The following SRA1 variants were observed in gnomAD, a reference collection of about 807,000 sequenced individuals.
The protein encoded by SRA1 is lncRNA SRA.
A neutral mutation model predicts 24.3 loss-of-function variants in SRA1; 25 were observed. That is an observed-to-expected ratio of 1.03 (90% CI 0.75 to 1.43). SRA1 has a LOEUF of 1.43. Among genes scored for constraint, SRA1 ranks in the 40% most tolerant of loss-of-function variants. SRA1 has a pLI of 0.00. For synonymous variants in SRA1, 104 were observed against 109.5 expected (o/e 0.95, Z 0.31); for missense variants, 303 against 286.6 (o/e 1.06, Z -0.41).
At position 140,550,833 on chromosome 5, in the gene SRA1, T is replaced by C. The variant is rs1561856747; in HGVS notation, c.542A>G (p.Gln181Arg). 2.5e-6 allele frequency: 4 copies of C among 1,614,174 alleles called. No homozygotes were observed. The highest frequency in any genetic ancestry group is 2.5e-6 in the Non-Finnish European group (3 of 1,180,006). ...TAATCTTTTAACTCCTACCATCCAC[T>C]GACTGACCTCAGTCACATGGTCAAC... ...LMVDHVTEVS[Q>R]WMVGVKRLIA... is the part of the protein sequence containing the mutation. Residue 181 changes from glutamine (Q) to arginine (R), a missense_variant, in exon 5 of 5, where the codon CAG becomes CGG. Gln to Arg is a conservative substitution (Grantham distance 43). Transcript: ENST00000336283.
At chr5:140,557,630 G>A (rs139343574), upstream of SRA1, 3 of 690,716 alleles carry the variant, frequency 4.3e-6, no homozygotes, top group Admixed American at 6.0e-5. Flanking sequence ...AGACTCGAAG[G>A]CTCCATCTAA....
intron 2 of SRA1, among the ~76,000 whole-genome samples, chr5:140,553,323 A>G (rs1193149850): frequency 6.6e-6 from 1 of 151,790 alleles, no homozygotes; most frequent in Non-Finnish European, 1.5e-5. Flanking sequence ...AAAAAAAAAA[A>G]GACAGCTGCT....
chr5:140,554,295 T>C (rs962897308), intron 2 of SRA1, among the ~76,000 whole-genome samples: 11 of 152,206 alleles, frequency 7.2e-5, no homozygotes, highest in Admixed American at 1.3e-4. Flanking sequence ...GGCCACAGAT[T>C]TTAAAAGGTA....
At chr5:140,551,004 G>C in intron 4 of SRA1, 57 bp downstream of exon 4, 1 of 1,579,690 alleles carries the variant, frequency 6.3e-7, no homozygotes, top group Non-Finnish European at 8.7e-7. Context: ...ACCTGCTCCA[G>C]CATAGCCAAC....
intron 3 of SRA1, 70 bp from the exon 4 acceptor site, chr5:140,551,239 A>G (rs1754552679): frequency 8.2e-7 from 1 of 1,221,136 alleles, no homozygotes; most frequent in African/African-American, 1.5e-5. Context: ...GGAAGACAGC[A>G]CCACATAGGA....
Position 140,550,761 on chromosome 5 carries a change from T to C in SRA1, c.614A>G (p.Glu205Gly). 6.2e-7 allele frequency: 1 copy of C among 1,614,200 alleles called. No individual in the cohort carries two copies. The highest frequency in any genetic ancestry group is 1.7e-5 in the Admixed American group (1 of 60,026). Residue 205 changes from glutamate to glycine, a missense_variant, in exon 5 of 5, where the codon GAG becomes GGG. Physicochemically the swap from Glu to Gly is moderately conservative, Grantham distance 98. Coordinates refer to ENST00000336283, the MANE Select transcript of SRA1 (RefSeq NM_001035235.4). ...CTTCTCAGCTGTGGCTGCAGATTTC[T>C]CTTCATTGGCTGCCTCCTCTGAAAA... ...SLFSEEAANE[E>G]KSAATAEKNH...
At chr5:140,554,889 T>A (rs1156838656) in intron 2 of SRA1, among the ~76,000 whole-genome samples, 1 of 152,104 alleles carries the variant, frequency 6.6e-6, no homozygotes. Flanking sequence ...TGGTTCCTTG[T>A]CGCTCTTTTT....
chr5:140,552,966 C>G (rs1463093914), intron 2 of SRA1, among the ~76,000 whole-genome samples: 1 of 152,180 alleles, frequency 6.6e-6, no homozygotes, highest in East Asian at 1.9e-4. Flanking sequence ...TACATGCTAC[C>G]AAGAAATAAA....
intron 2 of SRA1, among the ~76,000 whole-genome samples, chr5:140,555,178 T>G (rs941819526): frequency 6.6e-6 from 1 of 151,872 alleles, no homozygotes; most frequent in Non-Finnish European, 1.5e-5. Flanking sequence ...GCCTGGCCCC[T>G]TGTCTCTATC....
chr5:140,554,590 G>T lies in SRA1; in HGVS notation c.152-2406C>A, dbSNP rs201780597. The stretch of plus-strand genomic sequence containing the variant: ...CTTGTCTTCTCTAGACTTCCCTACT[G>T]TAACTATCTTCTCTTGCATCATCAG... On this transcript the variant is annotated intron_variant, in intron 2 of 4. Coordinates refer to ENST00000336283, the MANE Select transcript of SRA1 (RefSeq NM_001035235.4). Among the ~76,000 whole-genome samples the T allele has an allele frequency of 3.2e-3, 479 of 152,012 alleles. 1 individual carries two copies. Among genetic ancestry groups the T allele is most frequent in the African/African-American group, 0.011 (456 of 41,476 alleles).
In SRA1 at chr5:140,557,246, G is replaced by A. The variant is rs777538545; in HGVS notation, c.52C>T (p.Pro18Ser). Reference sequence around the variant, plus strand: ...TGCAGCCCGTATGAGAACTGCGGCGGGTCGTTCCAGCCGCGTTCCTTGTTG... The same window carrying A: ...TGCAGCCCGTATGAGAACTGCGGCGAGTCGTTCCAGCCGCGTTCCTTGTTG... ...PGNKERGWNDPPQFSYGLQTQ... is the reference protein window; with the variant it reads ...PGNKERGWNDSPQFSYGLQTQ... Residue 18 changes from proline to serine, a missense_variant, in exon 2 of 5, where the codon CCG (proline) becomes TCG (serine). Coordinates refer to ENST00000336283, the MANE Select transcript of SRA1 (RefSeq NM_001035235.4). 2 of 1,612,588 alleles carry A rather than the reference G, an allele frequency of 1.2e-6. No individual in the cohort carries two copies. The highest frequency in any genetic ancestry group is 8.5e-7 in the Non-Finnish European group (1 of 1,179,984).
rs866083442 is a variant in SRA1, at chr5:140,550,642, T to C, written c.*58A>G. The C allele has an allele frequency of 1.3e-6, 2 of 1,547,590 alleles. No individual in the cohort carries two copies. Among genetic ancestry groups the C allele is most frequent in the Middle Eastern group, 3.5e-4 (2 of 5,772 alleles). On this transcript the variant is annotated 3_prime_UTR_variant, in exon 5 of 5. Coordinates refer to ENST00000336283, the MANE Select transcript of SRA1 (RefSeq NM_001035235.4). ...TGGTGGTGGTAAGAAGGGAGCCAAGTGACAGAAGGTCTCCAAGGCATAGGA... is the reference window on the plus strand; with the variant it reads ...TGGTGGTGGTAAGAAGGGAGCCAAGCGACAGAAGGTCTCCAAGGCATAGGA...
At chr5:140,554,206 T>G (rs1581398475) in intron 2 of SRA1, among the ~76,000 whole-genome samples, 1 of 152,154 alleles carries the variant, frequency 6.6e-6, no homozygotes, top group African/African-American at 2.4e-5. Context: ...TCTCCTCCCA[T>G]TGTCCCACTT....
chr5:140,553,670 CTTA>C (rs897064913), intron 2 of SRA1, among the ~76,000 whole-genome samples: 3 of 152,156 alleles, frequency 2.0e-5, no homozygotes, highest in Non-Finnish European at 4.4e-5. Flanking sequence ...TGTGACCAGA[CTTA>C]TTTTTAAACA....
Position 140,552,075 on chromosome 5 carries a change from C to A in SRA1, c.261G>T (p.Glu87Asp). 6.2e-7 allele frequency: 1 copy of A among 1,614,052 alleles called. No individual in the cohort carries two copies. Among genetic ancestry groups the A allele is most frequent in the Non-Finnish European group, 8.5e-7 (1 of 1,179,972 alleles). The change falls in exon 3 of 5, where the codon GAG (glutamate) becomes GAT (aspartate). Residue 87 changes from glutamate to aspartate, a missense_variant. Coordinates refer to ENST00000336283, the MANE Select transcript of SRA1 (RefSeq NM_001035235.4). Reference sequence around the variant, plus strand: ...CAGACTCGACTGGGAAACTTGTGGGCTCCACGCCAGAGGCAGGACCACTCC... The same window carrying A: ...CAGACTCGACTGGGAAACTTGTGGGATCCACGCCAGAGGCAGGACCACTCC... The part of the protein sequence containing the change: ...PVGSGPASGV[E>D]PTSFPVESEA...
At chr5:140,557,996 C>T (rs1352664686), upstream of SRA1, 3 of 172,222 alleles carry the variant, frequency 1.7e-5, no homozygotes, top group African/African-American at 7.2e-5. Context: ...ATCACATCTT[C>T]TGCCTTATTT....
At chr5:140,557,365 G>A (rs193239542) in intron 1 of SRA1, 63 bp downstream of exon 1, 2 of 1,602,584 alleles carry the variant, frequency 1.2e-6, no homozygotes, top group Non-Finnish European at 1.7e-6. Flanking sequence ...ACTAAGCGCC[G>A]CAACCGCCCC....
rs868480945 is a variant in SRA1, at chr5:140,555,081, G to A, written c.151+2066C>T. Among the ~76,000 whole-genome samples the A allele has an allele frequency of 4.6e-5, 7 of 152,074 alleles. No individual in the cohort carries two copies. In the South Asian group the frequency reaches 8.3e-4, roughly 18 times the overall value. On this transcript the variant is annotated intron_variant, in intron 2 of 4. Coordinates refer to ENST00000336283, the MANE Select transcript of SRA1 (RefSeq NM_001035235.4). The stretch of plus-strand genomic sequence containing the variant: ...TTTAGTAGAGACAGGGTTTTACCAC[G>A]TTGGCCAGGCTGGTCTTGAACTCCT...
chr5:140,556,122 G>C (rs1754685903), intron 2 of SRA1, among the ~76,000 whole-genome samples: 1 of 152,226 alleles, frequency 6.6e-6, no homozygotes, highest in South Asian at 2.1e-4. Context: ...CAGAGTTGCT[G>C]ATTAACATAA....
Sources: gnomAD v4.1 joint callset for allele counts (sites outside exome capture counted in the v4.1 genomes callset) on GRCh38, gnomAD v4.1.1 for gene constraint, MANE v1.5 for transcripts, NCBI Gene and HGNC (gene_info 2026-07-23, HGNC 2026-07-21) for gene names.